Variants in DLG2 observed in about 807,000 individuals in gnomAD.
DLG2 encodes discs large MAGUK scaffold protein 2.
In DLG2, 45 loss-of-function variants were observed where a neutral mutation model predicts 132.5. The observed-to-expected ratio is 0.34, with a 90% confidence interval of 0.27 to 0.44. DLG2 has a LOEUF of 0.44. DLG2 is among the 20% of genes least tolerant of loss of function. The probability of loss-of-function intolerance (pLI) is 1.00; values close to 1 mark genes in which losing one functional copy is unlikely to be tolerated. For synonymous variants in DLG2, 424 were observed against 419.6 expected (o/e 1.01, Z -0.13); for missense variants, 1,045 against 1,196.9 (o/e 0.87, Z 1.87).
chr11:84,643,178 AC>A (rs1215343409), intron 6 of DLG2, among the ~76,000 whole-genome samples: 1 of 152,152 alleles, frequency 6.6e-6, no homozygotes, highest in Non-Finnish European at 1.5e-5. Context: ...TGTGCTAGTT[AC>A]TTGGGTTGGG....
rs532734157 is a variant in DLG2, at chr11:85,314,718, T to C, written c.41-29353A>G. Among the ~76,000 whole-genome samples, 3 of 152,088 alleles carry C rather than the reference T, an allele frequency of 2.0e-5. No individual in the cohort carries two copies. The East Asian group carries it at 5.8e-4, about 29-fold the overall frequency. On this transcript the variant is annotated intron_variant, in intron 3 of 27. Transcript: ENST00000376104. Reference sequence around the variant, plus strand: ...TAGTATAATGCATAATTGCATTGGCTTTATGAAAAGCCATGAATTGCCCTA... The same window carrying C: ...TAGTATAATGCATAATTGCATTGGCCTTATGAAAAGCCATGAATTGCCCTA...
At chr11:85,544,525 G>GA (rs1389061946) in intron 3 of DLG2, among the ~76,000 whole-genome samples, 3 of 152,102 alleles carry the variant, frequency 2.0e-5, no homozygotes, top group African/African-American at 4.8e-5. Flanking sequence ...CCAATTCTGG[G>GA]AAAAAAGTCA....
chr11:84,855,588 T>C (rs2082679707), intron 6 of DLG2, among the ~76,000 whole-genome samples: 1 of 152,038 alleles, frequency 6.6e-6, no homozygotes, highest in Non-Finnish European at 1.5e-5. Context: ...TATTAAAACA[T>C]GCAGCTCTTC....
intron 11 of DLG2, among the ~76,000 whole-genome samples, chr11:83,991,674 G>A (rs2093721394): frequency 6.6e-6 from 1 of 151,982 alleles, no homozygotes; most frequent in African/African-American, 2.4e-5. Context: ...AATAACTGAA[G>A]TTTTTAGACA....
intron 7 of DLG2, among the ~76,000 whole-genome samples, chr11:84,473,430 C>A (rs2099113725): frequency 1.3e-5 from 2 of 151,902 alleles, no homozygotes; most frequent in Admixed American, 1.3e-4. Context: ...AGACATTGTT[C>A]CTGGAGAAGG....
intron 6 of DLG2, among the ~76,000 whole-genome samples, chr11:84,857,411 TGAA>T (rs2082940891): frequency 6.6e-6 from 1 of 151,706 alleles, no homozygotes; most frequent in South Asian, 2.1e-4. Context: ...TTTGAATATA[TGAA>T]GAAGTAGTAT....
chr11:84,289,460 C>T (rs916775729), intron 7 of DLG2, among the ~76,000 whole-genome samples: 3 of 151,944 alleles, frequency 2.0e-5, no homozygotes, highest in African/African-American at 4.8e-5. Context: ...TTTTGAAATA[C>T]AGAGAGAAAA....
At chr11:84,412,094 A>C (rs1164354324) in intron 7 of DLG2, among the ~76,000 whole-genome samples, 1 of 151,524 alleles carries the variant, frequency 6.6e-6, no homozygotes, top group Admixed American at 6.6e-5. Flanking sequence ...GGCTTAGCTA[A>C]AGTCTGCCCC....
In DLG2 at chr11:84,874,469, G is replaced by C. The variant is rs191635245; in HGVS notation, c.357+237192C>G. 4.6e-5 allele frequency among the ~76,000 whole-genome samples: 7 copies of C among 152,210 alleles called. No homozygotes were observed. In the East Asian group the frequency reaches 9.7e-4, roughly 21 times the overall value. ...GATTGGCCTGAGATAAGGCTGGCAG[G>C]GGGTAATCACCCAGCATTTTGTGGG... On this transcript the variant is annotated intron_variant, in intron 6 of 27. Coordinates refer to ENST00000376104, the MANE Select transcript of DLG2 (RefSeq NM_001142699.3).
chr11:84,767,495 A>T lies in DLG2; in HGVS notation c.358-232764T>A, dbSNP rs1403726281. On this transcript the variant is annotated intron_variant, in intron 6 of 27. Transcript: ENST00000376104. ...GAAAGAAGGTGCTCATGATACATTA[A>T]CTGCTTCAAAATGCAATTTAAAATA... 2.6e-5 allele frequency among the ~76,000 whole-genome samples: 4 copies of T among 152,106 alleles called. No individual in the cohort carries two copies. The East Asian group carries it at 7.7e-4, about 29-fold the overall frequency.
intron 3 of DLG2, among the ~76,000 whole-genome samples, chr11:85,486,997 T>C (rs1306921802): frequency 7.5e-6 from 1 of 134,158 alleles, no homozygotes; most frequent in African/African-American, 2.9e-5. Flanking sequence ...AATCATACCC[T>C]AAACCACCGA....
chr11:84,061,665 A>G (rs551648879), intron 10 of DLG2, among the ~76,000 whole-genome samples: 3 of 152,324 alleles, frequency 2.0e-5, no homozygotes, highest in East Asian at 1.9e-4. Context: ...AGAATTTTGT[A>G]TCTGTTTTTG....
intron 18 of DLG2, among the ~76,000 whole-genome samples, chr11:83,688,318 G>A (rs772808615): frequency 6.6e-6 from 1 of 152,042 alleles, no homozygotes. Flanking sequence ...TTTCTTTCGG[G>A]TTCAGGATTT....
intron 15 of DLG2, among the ~76,000 whole-genome samples, chr11:83,908,136 A>G (rs1477434080): frequency 1.3e-5 from 2 of 152,208 alleles, no homozygotes; most frequent in Non-Finnish European, 2.9e-5. Context: ...TTTGGTCTAG[A>G]GTATGTATCC....
chr11:84,669,216 G>T (rs1373929370), intron 6 of DLG2, among the ~76,000 whole-genome samples: 1 of 151,988 alleles, frequency 6.6e-6, no homozygotes, highest in Non-Finnish European at 1.5e-5. Flanking sequence ...GGGAAACAAG[G>T]GTAAAGATCC....
chr11:84,983,359 C>G (rs577734071), intron 6 of DLG2, among the ~76,000 whole-genome samples: 4 of 152,124 alleles, frequency 2.6e-5, no homozygotes, highest in African/African-American at 9.7e-5. Flanking sequence ...GCCTGGTAGA[C>G]TTGCTGGGTG....
chr11:83,753,194 G>T (rs1000648538), intron 18 of DLG2, among the ~76,000 whole-genome samples: 1 of 152,046 alleles, frequency 6.6e-6, no homozygotes, highest in African/African-American at 2.4e-5. Flanking sequence ...AGGCTGAGGC[G>T]GGTGGATCAC....
At chr11:85,530,015 G>C (rs188225307) in intron 3 of DLG2, among the ~76,000 whole-genome samples, 1 of 144,360 alleles carries the variant, frequency 6.9e-6, no homozygotes, top group Non-Finnish European at 1.5e-5. Flanking sequence ...TTGAGGTGGA[G>C]TTTGGAGTTT....
intron 18 of DLG2, among the ~76,000 whole-genome samples, chr11:83,695,183 T>C (rs1409156602): frequency 2.6e-5 from 4 of 152,218 alleles, no homozygotes; most frequent in African/African-American, 7.2e-5. Context: ...ATGGAAGCTA[T>C]ATTTATTCCA....
Sources: gnomAD v4.1 joint callset for allele counts (sites outside exome capture counted in the v4.1 genomes callset) on GRCh38, gnomAD v4.1.1 for gene constraint, MANE v1.5 for transcripts, NCBI Gene and HGNC (gene_info 2026-07-23, HGNC 2026-07-21) for gene names.